The following PTGFRN variants were observed in gnomAD, a reference collection of about 807,000 sequenced individuals.
PTGFRN encodes prostaglandin F2 receptor inhibitor, also known as prostaglandin F2 receptor negative regulator.
Under a neutral mutation model 83.2 loss-of-function variants are expected in PTGFRN, and 35 were observed. The observed-to-expected ratio is 0.42, with a 90% CI of 0.32 to 0.56. The LOEUF is 0.56. Ranked by LOEUF, PTGFRN falls within the 20% of genes least tolerant of loss-of-function variation. PTGFRN has a pLI of 0.11. For missense variants in PTGFRN, 1,051 were observed against 1,179.5 expected (o/e 0.89, Z 1.60); for synonymous variants, 519 against 498.6 (o/e 1.04, Z -0.55).
At chr1:116,943,933 C>T (rs758186267) in intron 2 of PTGFRN, among the ~76,000 whole-genome samples, 19 of 152,082 alleles carry the variant, frequency 1.2e-4, no homozygotes, top group Non-Finnish European at 2.1e-4. Context: ...TTGGTAGTGG[C>T]CCCCTTTCTG....
chr1:116,971,637 A>G (rs1557747609), intron 6 of PTGFRN, among the ~76,000 whole-genome samples: 1 of 152,194 alleles, frequency 6.6e-6, no homozygotes, highest in Non-Finnish European at 1.5e-5. Flanking sequence ...TTAGGAGGAA[A>G]TCCACTCCTG....
At chr1:116,910,668 C>T (rs74925023) in intron 1 of PTGFRN, among the ~76,000 whole-genome samples, 2,596 of 152,176 alleles carry the variant, frequency 0.017, 78 homozygotes, top group African/African-American at 0.059. Flanking sequence ...TTGATATGCC[C>T]CGCCATAGCC....
chr1:116,984,154 T>G (rs1038626487), intron 7 of PTGFRN, among the ~76,000 whole-genome samples: 12 of 152,262 alleles, frequency 7.9e-5, no homozygotes, highest in Non-Finnish European at 1.6e-4. Context: ...CAATAAAATC[T>G]AAACTGTTTA....
At chr1:116,955,382 A>G (rs1248985113) in intron 4 of PTGFRN, among the ~76,000 whole-genome samples, 1 of 152,226 alleles carries the variant, frequency 6.6e-6, no homozygotes, top group Non-Finnish European at 1.5e-5. Context: ...TTCACAGTTG[A>G]AGAAATAACC....
At position 116,958,079 on chromosome 1, in the gene PTGFRN, A is replaced by G. The variant is rs1326325795; in HGVS notation, c.1214-3164A>G. ...GTGAATAATGCTGCAATGAACATCT[A>G]CCATCTTTCATCATAATTTTGACAG... is the stretch of plus-strand genomic sequence containing the variant. On this transcript the variant is annotated intron_variant, in intron 4 of 8. Transcript: ENST00000393203. The surrounding 1 kb of genome is among the most constrained non-coding windows in gnomAD (Gnocchi z 4.9). 3.3e-5 allele frequency among the ~76,000 whole-genome samples: 5 copies of G among 152,104 alleles called. No homozygotes were observed. Among genetic ancestry groups the G allele is most frequent in the African/African-American group, 7.2e-5 (3 of 41,406 alleles).
chr1:116,957,195 A>C (rs1650526746), intron 4 of PTGFRN, among the ~76,000 whole-genome samples: 1 of 151,426 alleles, frequency 6.6e-6, no homozygotes, highest in South Asian at 2.1e-4. Flanking sequence ...GTGTGTTTGC[A>C]GAGGCAGATG....
Position 116,961,015 on chromosome 1 carries a change from G to A in PTGFRN, c.1214-228G>A, listed in dbSNP as rs746091180. Among the ~76,000 whole-genome samples the A allele has an allele frequency of 2.0e-4, 31 of 152,122 alleles. No homozygotes were observed. Among genetic ancestry groups the A allele is most frequent in the Non-Finnish European group, 4.3e-4 (29 of 68,024 alleles). On this transcript the variant is annotated intron_variant, in intron 4 of 8. Coordinates refer to ENST00000393203, the MANE Select transcript of PTGFRN (RefSeq NM_020440.4). The surrounding 1 kb of genome is among the most constrained non-coding windows in gnomAD (Gnocchi z 5.4). Reference sequence around the variant, plus strand: ...CCGAGGACATTGGGCTTCTGTTCTTGGGAGGTTTTCTTGGGGTGGGAGGTA... The same window carrying A: ...CCGAGGACATTGGGCTTCTGTTCTTAGGAGGTTTTCTTGGGGTGGGAGGTA...
intron 6 of PTGFRN, among the ~76,000 whole-genome samples, 181 bp from the exon 7 acceptor site, chr1:116,974,035 T>C (rs1343675511): frequency 6.6e-6 from 1 of 152,236 alleles, no homozygotes; most frequent in Non-Finnish European, 1.5e-5. Flanking sequence ...CTCACTTGGA[T>C]GTGCCTAATG....
chr1:116,960,018 C>CT (rs959147437), intron 4 of PTGFRN, among the ~76,000 whole-genome samples: 2 of 152,080 alleles, frequency 1.3e-5, no homozygotes, highest in African/African-American at 4.8e-5. Context: ...TTCTAAAAGC[C>CT]TGAACATTCA....
At chr1:116,920,741 G>A (rs780980715) in intron 1 of PTGFRN, among the ~76,000 whole-genome samples, 21 of 151,844 alleles carry the variant, frequency 1.4e-4, no homozygotes, top group Admixed American at 1.0e-3. Context: ...CTCATGCCTC[G>A]GCCACCCAAG....
At chr1:116,975,723 A>T (rs907868704) in intron 7 of PTGFRN, among the ~76,000 whole-genome samples, 1 of 152,178 alleles carries the variant, frequency 6.6e-6, no homozygotes, top group Non-Finnish European at 1.5e-5. Context: ...CCCCATCTCT[A>T]CGTCACCACC....
intron 1 of PTGFRN, among the ~76,000 whole-genome samples, chr1:116,931,439 GTTATC>G (rs571572681): frequency 5.3e-5 from 8 of 150,968 alleles, no homozygotes; most frequent in Non-Finnish European, 7.4e-5. Context: ...TGTTGAATGA[GTTATC>G]TTATCTTACA....
At chr1:116,911,792 T>C (rs1649279337) in intron 1 of PTGFRN, among the ~76,000 whole-genome samples, 1 of 152,206 alleles carries the variant, frequency 6.6e-6, no homozygotes, top group African/African-American at 2.4e-5. Context: ...ACAGGCATGC[T>C]CCACCACACC....
intron 1 of PTGFRN, among the ~76,000 whole-genome samples, chr1:116,931,685 C>T (rs1649807635): frequency 6.6e-6 from 1 of 152,042 alleles, no homozygotes. Flanking sequence ...TGATCCTTTC[C>T]TGTCAGACCT....
rs1650867018 is a variant in PTGFRN at position 116,967,274 on chromosome 1, G to C, written c.2003G>C (p.Trp668Ser). Residue 668 changes from tryptophan to serine, a missense_variant, in exon 6 of 9, where the codon TGG becomes TCG. Physicochemically the swap from Trp to Ser is radical, Grantham distance 177 (BLOSUM62 -3). Around this residue, in one of 3 missense-constraint regions of PTGFRN, gnomAD observed 719 missense variants for 836.6 expected, o/e 0.86. Transcript: ENST00000393203. ...TAWSPVRGSL[W>S]REAATSLSNP... ...TGGTCTCCTGTCAGGGGCAGCCTTTGGCGAGAAGCAGCAACCAGTCTCTCC... is the reference window on the plus strand; with the variant it reads ...TGGTCTCCTGTCAGGGGCAGCCTTTCGCGAGAAGCAGCAACCAGTCTCTCC... 6.2e-7 allele frequency: 1 copy of C among 1,614,090 alleles called. No individual in the cohort carries two copies. Among genetic ancestry groups the C allele is most frequent in the African/African-American group, 1.3e-5 (1 of 74,934 alleles).
intron 7 of PTGFRN, among the ~76,000 whole-genome samples, chr1:116,981,044 TC>T (rs1651305228): frequency 6.6e-6 from 1 of 152,190 alleles, no homozygotes; most frequent in Admixed American, 6.5e-5. Flanking sequence ...ATAAATTTTT[TC>T]TTTGCATTTA....
chr1:116,915,533 C>T (rs760808510), intron 1 of PTGFRN, among the ~76,000 whole-genome samples: 35 of 152,212 alleles, frequency 2.3e-4, no homozygotes, highest in Non-Finnish European at 4.6e-4. Flanking sequence ...AATGCCTGCC[C>T]TGGCTATAAT....
chr1:116,977,555 A>G (rs181850953), intron 7 of PTGFRN, among the ~76,000 whole-genome samples: 19 of 152,396 alleles, frequency 1.2e-4, no homozygotes, highest in Admixed American at 1.2e-3. Flanking sequence ...ACTAGAACTC[A>G]GGTTAAGAAA....
chr1:116,933,299 G>T (rs967887619), intron 1 of PTGFRN, among the ~76,000 whole-genome samples: 3 of 150,778 alleles, frequency 2.0e-5, no homozygotes, highest in African/African-American at 7.3e-5. Context: ...CTAGAGATTA[G>T]AACACGTATC....
Sources: allele counts gnomAD v4.1 joint callset (sites outside exome capture counted in the v4.1 genomes callset), GRCh38; gene constraint gnomAD v4.1.1; regional missense constraint gnomAD v4.1.1; non-coding constraint Gnocchi (gnomAD v3.1); transcripts MANE v1.5; gene names NCBI Gene and HGNC (gene_info 2026-07-23, HGNC 2026-07-21).